Variants in TENM2 observed in about 807,000 individuals in gnomAD.
TENM2 encodes teneurin transmembrane protein 2.
TENM2 carries 52 observed loss-of-function variants against 245.2 expected under a neutral mutation model. That is an observed-to-expected ratio of 0.21 (90% CI 0.17 to 0.27). TENM2 has a LOEUF of 0.27. TENM2 is among the 10% of genes least tolerant of loss of function. The probability of loss-of-function intolerance (pLI) is 1.00; values close to 1 mark genes in which losing one functional copy is unlikely to be tolerated. For synonymous variants in TENM2, 1,363 were observed against 1,438.9 expected (o/e 0.95, Z 1.19); for missense variants, 3,046 against 3,666.8 (o/e 0.83, Z 4.37).
chr5:168,248,826 G>A (rs903759498), intron 27 of TENM2, among the ~76,000 whole-genome samples: 3 of 152,186 alleles, frequency 2.0e-5, no homozygotes, highest in Non-Finnish European at 2.9e-5. Flanking sequence ...ACAAGTAAAT[G>A]AACACAGCTG....
rs1774718836 is a variant in TENM2 at position 167,576,763 on chromosome 5, C to T, written c.502+201290C>T. ...TAATGAAATATTAAGAAATTAAAAG[C>T]ATGCAACCTCTAAAGTAATAGAATT... On this transcript the variant is annotated intron_variant, in intron 2 of 28. Coordinates refer to ENST00000518659, the Ensembl canonical transcript of TENM2. Among the ~76,000 whole-genome samples, 3 of 152,130 alleles carry T rather than the reference C, an allele frequency of 2.0e-5. No individual in the cohort carries two copies. The South Asian group carries it at 6.2e-4, about 31-fold the overall frequency.
At chr5:167,280,558 G>A (rs7700457), upstream of TENM2, among the ~76,000 whole-genome samples, 13,441 of 151,924 alleles carry the variant, frequency 0.088, 778 homozygotes, top group East Asian at 0.18. Flanking sequence ...ATTGGGGTGG[G>A]GCCACAGTTG....
intron 2 of TENM2, among the ~76,000 whole-genome samples, chr5:167,845,280 C>A (rs969325677): frequency 2.8e-5 from 3 of 105,484 alleles, no homozygotes; most frequent in African/African-American, 7.1e-5. Flanking sequence ...CACACACACA[C>A]AACACGGCCC....
At chr5:167,186,170 T>C in the TENM2 span, among the ~76,000 whole-genome samples, 1 of 152,286 alleles carries the variant, frequency 6.6e-6, no homozygotes, top group African/African-American at 2.4e-5. Flanking sequence ...CCTCCCTGAC[T>C]TTTGCTTTGA....
At chr5:167,270,664 G>A in the TENM2 span, among the ~76,000 whole-genome samples, 1 of 152,106 alleles carries the variant, frequency 6.6e-6, no homozygotes, top group Non-Finnish European at 1.5e-5. Context: ...ACTTCCTGAG[G>A]CAACTGCATT....
chr5:168,093,043 C>A (rs1005366436), intron 8 of TENM2, among the ~76,000 whole-genome samples: 5 of 152,208 alleles, frequency 3.3e-5, no homozygotes, highest in African/African-American at 4.8e-5. Flanking sequence ...CCCAAGGTCA[C>A]ACACAGCCAG....
At position 168,112,793 on chromosome 5, in the gene TENM2, G is replaced by A. The variant is rs137893076; in HGVS notation, c.1814-5499G>A. On this transcript the variant is annotated intron_variant, in intron 9 of 28. Transcript: ENST00000518659. The stretch of plus-strand genomic sequence containing the variant: ...GGGGTCACCGAGCTTTGTTTGCCTG[G>A]CCTCCATGACCTAAATATTACATCC... 6.6e-5 allele frequency among the ~76,000 whole-genome samples: 10 copies of A among 152,188 alleles called. 1 individual carries two copies. The highest frequency in any genetic ancestry group is 2.4e-4 in the African/African-American group (10 of 41,518).
At chr5:167,640,607 G>A (rs1366415269) in intron 2 of TENM2, among the ~76,000 whole-genome samples, 7 of 127,160 alleles carry the variant, frequency 5.5e-5, no homozygotes, top group Admixed American at 1.8e-4. Flanking sequence ...AAACGAGAGC[G>A]AAACTCCATC....
At chr5:167,781,347 T>C (rs1233252728) in intron 2 of TENM2, among the ~76,000 whole-genome samples, 1 of 152,142 alleles carries the variant, frequency 6.6e-6, no homozygotes, top group Non-Finnish European at 1.5e-5. Flanking sequence ...TGATGCAAAA[T>C]TTCCAAATAC....
chr5:167,115,333 A>G, the TENM2 span, among the ~76,000 whole-genome samples: 4 of 152,212 alleles, frequency 2.6e-5, no homozygotes, highest in Admixed American at 2.0e-4. Context: ...CTGCCTTGAC[A>G]TTTCATCTCC....
At chr5:167,918,399 C>T (rs1447943195) in intron 3 of TENM2, among the ~76,000 whole-genome samples, 5 of 152,188 alleles carry the variant, frequency 3.3e-5, no homozygotes, top group Admixed American at 6.5e-5. Context: ...ATGCTTGCCT[C>T]GTCTGGGAGG....
At chr5:167,309,084 A>T (rs1002883723) in intron 1 of TENM2, among the ~76,000 whole-genome samples, 1 of 152,122 alleles carries the variant, frequency 6.6e-6, no homozygotes, top group African/African-American at 2.4e-5. Flanking sequence ...AATGATAAAA[A>T]ATCCAAAACA....
intron 2 of TENM2, among the ~76,000 whole-genome samples, chr5:167,746,742 C>T (rs1162296109): frequency 1.4e-5 from 2 of 141,350 alleles, no homozygotes; most frequent in African/African-American, 5.1e-5. Flanking sequence ...TAGTGAGCTA[C>T]TCAGAAGATA....
At chr5:168,162,218 A>C (rs1757805001) in intron 12 of TENM2, among the ~76,000 whole-genome samples, 1 of 152,190 alleles carries the variant, frequency 6.6e-6, no homozygotes, top group Non-Finnish European at 1.5e-5. Context: ...TCTCTTCTAC[A>C]GAAGAGCACT....
upstream of TENM2, among the ~76,000 whole-genome samples, chr5:167,283,648 A>T (rs1353987940): frequency 6.6e-6 from 1 of 152,218 alleles, no homozygotes; most frequent in East Asian, 1.9e-4. Flanking sequence ...GAGCAACAGT[A>T]GCCTGGAGAA....
intron 2 of TENM2, among the ~76,000 whole-genome samples, chr5:167,821,946 G>T (rs1767564595): frequency 6.6e-6 from 1 of 152,062 alleles, no homozygotes; most frequent in South Asian, 2.1e-4. Context: ...CCAAATTAGT[G>T]CTGTGGTTTT....
intron 13 of TENM2, among the ~76,000 whole-genome samples, chr5:168,171,044 G>A (rs1758772859): frequency 6.6e-6 from 1 of 152,184 alleles, no homozygotes; most frequent in South Asian, 2.1e-4. Flanking sequence ...CCACCCGAGG[G>A]TCTTTGCTAG....
chr5:168,253,120 C>A (rs1213418337), intron 27 of TENM2, among the ~76,000 whole-genome samples: 2 of 151,866 alleles, frequency 1.3e-5, no homozygotes, highest in Non-Finnish European at 2.9e-5. Flanking sequence ...GCATGTGCAA[C>A]CACGCCCAGC....
chr5:167,266,427 A>C, the TENM2 span, among the ~76,000 whole-genome samples: 1 of 152,174 alleles, frequency 6.6e-6, no homozygotes, highest in Non-Finnish European at 1.5e-5. Flanking sequence ...CTGTACATAG[A>C]GTGCTTTTTA....
Sources: allele counts gnomAD v4.1 joint callset (sites outside exome capture counted in the v4.1 genomes callset), GRCh38; gene constraint gnomAD v4.1.1; transcripts MANE v1.5; gene names NCBI Gene and HGNC (gene_info 2026-07-23, HGNC 2026-07-21).